The following SNCAIP variants were observed in gnomAD, a reference collection of about 807,000 sequenced individuals.
The protein encoded by SNCAIP is synuclein alpha interacting protein, also known as synphilin-1.
SNCAIP carries 43 observed loss-of-function variants against 86.7 expected under a neutral mutation model. The observed-to-expected ratio is 0.50, with a 90% confidence interval of 0.39 to 0.64. The LOEUF is 0.64. Ranked by LOEUF, SNCAIP falls within the 30% of genes least tolerant of loss-of-function variation. The pLI is 0.00. For synonymous variants in SNCAIP, 417 were observed against 427.2 expected (o/e 0.98, Z 0.29); for missense variants, 981 against 1,103.1 (o/e 0.89, Z 1.57).
chr5:122,428,917 T>C (rs1007280504), intron 5 of SNCAIP, among the ~76,000 whole-genome samples: 1 of 152,094 alleles, frequency 6.6e-6, no homozygotes, highest in Non-Finnish European at 1.5e-5. Context: ...ACAAAGGATA[T>C]GAACTCATCC....
At chr5:122,362,103 G>A (rs554498515) in intron 1 of SNCAIP, among the ~76,000 whole-genome samples, 1 of 152,334 alleles carries the variant, frequency 6.6e-6, no homozygotes, top group South Asian at 2.1e-4. Flanking sequence ...CTTCTGTAAT[G>A]AGAATAGTAA....
chr5:122,340,961 G>A (rs949837317), intron 1 of SNCAIP, among the ~76,000 whole-genome samples: 2 of 152,162 alleles, frequency 1.3e-5, no homozygotes, highest in African/African-American at 4.8e-5. Context: ...TTAAACAGGG[G>A]TTAGGCATTC....
chr5:122,341,617 C>T (rs1049692197), intron 1 of SNCAIP, among the ~76,000 whole-genome samples: 4 of 152,154 alleles, frequency 2.6e-5, no homozygotes, highest in African/African-American at 4.8e-5. Context: ...AGAGAACCTC[C>T]AGTTTATTTT....
intron 3 of SNCAIP, among the ~76,000 whole-genome samples, chr5:122,406,343 A>G (rs912982224): frequency 3.9e-5 from 6 of 152,180 alleles, no homozygotes; most frequent in Non-Finnish European, 8.8e-5. Flanking sequence ...TATCTTTTCA[A>G]ACAGACGCAG....
At position 122,440,616 on chromosome 5, in the gene SNCAIP, T is replaced by C. The variant is rs180908819; in HGVS notation, c.1297-13T>C. On this transcript the variant is annotated splice_polypyrimidine_tract_variant and intron_variant, in intron 6 of 10. Coordinates refer to ENST00000261368, the MANE Select transcript of SNCAIP (RefSeq NM_005460.4). ...AGATATTACATGAATTCCAACTGTCTTTGTGTTTATAGGAAAAGATTCTTC... is the reference window on the plus strand; with the variant it reads ...AGATATTACATGAATTCCAACTGTCCTTGTGTTTATAGGAAAAGATTCTTC... 8 of 1,612,720 alleles carry C rather than the reference T, an allele frequency of 5.0e-6. No homozygotes were observed. The East Asian group carries it at 1.8e-4, about 36-fold the overall frequency.
intron 1 of SNCAIP, among the ~76,000 whole-genome samples, chr5:122,325,170 T>C (rs552675273): frequency 6.6e-6 from 1 of 152,314 alleles, no homozygotes; most frequent in Admixed American, 6.5e-5. Context: ...TAGTGGATTA[T>C]CAGATCCATT....
intron 6 of SNCAIP, among the ~76,000 whole-genome samples, chr5:122,432,859 A>T (rs1203756556): frequency 1.3e-5 from 2 of 152,192 alleles, no homozygotes; most frequent in Non-Finnish European, 2.9e-5. Flanking sequence ...CTTAAAAAAT[A>T]ATAGTACTGT....
intron 2 of SNCAIP, among the ~76,000 whole-genome samples, chr5:122,399,603 G>A (rs2152862176): frequency 6.6e-6 from 1 of 152,216 alleles, no homozygotes; most frequent in African/African-American, 2.4e-5. Context: ...ATTATGGACT[G>A]AGCTATATCC....
chr5:122,339,266 C>T (rs1018492993), intron 1 of SNCAIP, among the ~76,000 whole-genome samples: 3 of 152,182 alleles, frequency 2.0e-5, no homozygotes, highest in Non-Finnish European at 2.9e-5. Context: ...GCCTGTAAAC[C>T]TCCGGTGTTC....
chr5:122,414,539 T>A (rs944574926), intron 3 of SNCAIP, among the ~76,000 whole-genome samples: 2 of 152,304 alleles, frequency 1.3e-5, no homozygotes, highest in African/African-American at 4.8e-5. Flanking sequence ...CATAAATTAC[T>A]TTTCTGACTT....
chr5:122,382,856 G>A (rs1337030805), intron 1 of SNCAIP, among the ~76,000 whole-genome samples: 2 of 152,204 alleles, frequency 1.3e-5, no homozygotes, highest in African/African-American at 4.8e-5. Flanking sequence ...GCCTGCTCGG[G>A]GGTCAGGGGT....
At position 122,423,085 on chromosome 5, in the gene SNCAIP, G is replaced by A. The variant is rs1776717154; in HGVS notation, c.348G>A (p.Gln116=). The A allele has an allele frequency of 1.2e-6, 2 of 1,614,006 alleles. No individual in the cohort carries two copies. Among genetic ancestry groups the A allele is most frequent in the African/African-American group, 2.7e-5 (2 of 74,924 alleles). Residue 116 remains glutamine (Q), a synonymous_variant, in exon 4 of 11, where the codon CAG becomes CAA. Transcript: ENST00000261368. ...GGGGTGAGTCTGACCTGGGCCCCCA[G>A]CCTCAGGAGCTTGGCCCTGGAGATG... is the stretch of plus-strand genomic sequence containing the variant. ...QKGGESDLGP[Q]PQELGPGDGV...
intron 1 of SNCAIP, among the ~76,000 whole-genome samples, chr5:122,363,182 G>A (rs544143467): frequency 6.6e-6 from 1 of 152,066 alleles, no homozygotes; most frequent in South Asian, 2.1e-4. Flanking sequence ...TTTTGGTAGA[G>A]ATGGGATTTC....
intron 1 of SNCAIP, among the ~76,000 whole-genome samples, chr5:122,380,713 T>C (rs955816086): frequency 2.0e-5 from 3 of 150,608 alleles, no homozygotes; most frequent in African/African-American, 7.4e-5. Flanking sequence ...CTGCTTTGAA[T>C]GCGTCCCAGA....
intron 10 of SNCAIP, among the ~76,000 whole-genome samples, chr5:122,458,146 A>G (rs2153028486): frequency 6.6e-6 from 1 of 152,232 alleles, no homozygotes; most frequent in Non-Finnish European, 1.5e-5. Context: ...GGCAGGGAAG[A>G]CCCTCGTACT....
At chr5:122,398,937 G>A (rs1017349219) in intron 2 of SNCAIP, among the ~76,000 whole-genome samples, 10 of 152,092 alleles carry the variant, frequency 6.6e-5, no homozygotes, top group Non-Finnish European at 1.0e-4. Flanking sequence ...GACTGGCGTA[G>A]GCTGGGATGT....
chr5:122,413,927 A>T (rs926090526), intron 3 of SNCAIP, among the ~76,000 whole-genome samples: 1 of 152,152 alleles, frequency 6.6e-6, no homozygotes. Flanking sequence ...TTGTTTTTTT[A>T]TAGACAAGGT....
intron 1 of SNCAIP, among the ~76,000 whole-genome samples, chr5:122,374,702 A>C (rs893827517): frequency 6.6e-6 from 1 of 152,166 alleles, no homozygotes; most frequent in African/African-American, 2.4e-5. Flanking sequence ...TTAAGACAAT[A>C]CTGAGAGTTC....
chr5:122,359,415 G>A (rs1475737740), intron 1 of SNCAIP, among the ~76,000 whole-genome samples: 2 of 148,934 alleles, frequency 1.3e-5, no homozygotes, highest in East Asian at 2.0e-4. Flanking sequence ...TCAGGCTGGA[G>A]TTCAGTGGTG....
Sources: gnomAD v4.1 joint callset for allele counts (sites outside exome capture counted in the v4.1 genomes callset) on GRCh38, gnomAD v4.1.1 for gene constraint, MANE v1.5 for transcripts, NCBI Gene and HGNC (gene_info 2026-07-23, HGNC 2026-07-21) for gene names.